The following ACBD5 variants were observed in gnomAD, a reference collection of about 807,000 sequenced individuals.
ACBD5 encodes acyl-CoA binding domain containing 5.
ACBD5 carries 40 observed loss-of-function variants against 71.8 expected under a neutral mutation model. The ratio of observed to expected loss-of-function variants is 0.56; its 90% CI spans 0.43 to 0.72. The LOEUF is 0.72. Ranked by LOEUF, ACBD5 falls within the 30% of genes least tolerant of loss-of-function variation. The pLI, the probability that ACBD5 is intolerant of heterozygous loss-of-function variation, is 0.00. For synonymous variants in ACBD5, 229 were observed against 218.6 expected (o/e 1.05, Z -0.42); for missense variants, 559 against 644.5 (o/e 0.87, Z 1.44).
chr10:27,231,859 C>T, intron 3 of ACBD5, 39 bp from the exon 4 acceptor site: 1 of 1,578,012 alleles, frequency 6.3e-7, no homozygotes, highest in Non-Finnish European at 8.7e-7. Flanking sequence ...AAAGAGACAT[C>T]TGATTTTAAT....
intron 12 of ACBD5, among the ~76,000 whole-genome samples, chr10:27,203,939 A>G (rs1564570796): frequency 6.6e-6 from 1 of 151,802 alleles, no homozygotes; most frequent in Non-Finnish European, 1.5e-5. Context: ...TGCCTTTCAG[A>G]ACACTGTTTC....
At chr10:27,221,950 A>G (rs2062405842) in intron 5 of ACBD5, among the ~76,000 whole-genome samples, 2 of 151,730 alleles carry the variant, frequency 1.3e-5, no homozygotes, top group Non-Finnish European at 2.9e-5. Context: ...GAAAAGAAGA[A>G]AACATTTAGT....
At chr10:27,227,342 C>G (rs1450652895) in intron 4 of ACBD5, among the ~76,000 whole-genome samples, 2 of 151,898 alleles carry the variant, frequency 1.3e-5, no homozygotes, top group Non-Finnish European at 2.9e-5. Flanking sequence ...TGTAGATATA[C>G]TCTTAAGAAA....
At chr10:27,211,266 G>C (rs1278611019) in intron 8 of ACBD5, among the ~76,000 whole-genome samples, 185 bp from the exon 9 acceptor site, 2 of 152,100 alleles carry the variant, frequency 1.3e-5, no homozygotes, top group South Asian at 2.1e-4. Context: ...GAAGAAATAG[G>C]ACAAGAATGA....
At chr10:27,199,442 C>A (rs1474562300) in intron 12 of ACBD5, among the ~76,000 whole-genome samples, 4 of 152,070 alleles carry the variant, frequency 2.6e-5, no homozygotes, top group Admixed American at 2.6e-4. Context: ...TTTGTGAGGT[C>A]TTTCTGTTTT....
Position 27,240,713 on chromosome 10 carries a change from C to CG in ACBD5, c.-26dup. ...TGTCTAGCAGAAGACAGAGGGGGTC[C>CG]GGGCATCGGTGGCCGCGGAGCCGCT... is the stretch of plus-strand genomic sequence containing the variant. On this transcript the variant is annotated 5_prime_UTR_variant, in exon 1 of 13. The change abolishes the stop of an existing upstream ORF in the 5' untranslated region. Transcript: ENST00000396271. This position sits in a 1 kb window ranked among gnomAD's most constrained non-coding sequence, Gnocchi z 4.1. 1 of 1,550,498 alleles carries CG rather than the reference C, an allele frequency of 6.4e-7. No homozygotes were observed. The highest frequency in any genetic ancestry group is 2.4e-5 in the East Asian group (1 of 40,908).
intron 10 of ACBD5, among the ~76,000 whole-genome samples, chr10:27,206,190 TG>T (rs1589049386): frequency 6.6e-6 from 1 of 151,916 alleles, no homozygotes; most frequent in African/African-American, 2.4e-5. Flanking sequence ...GTGTGAGCCA[TG>T]GGCCTAGCCT....
chr10:27,238,360 T>C (rs1218657112), intron 2 of ACBD5, among the ~76,000 whole-genome samples: 1 of 152,232 alleles, frequency 6.6e-6, no homozygotes, highest in Non-Finnish European at 1.5e-5. Flanking sequence ...TAATAAGTGG[T>C]ACATAATGTC....
chr10:27,196,300 G>A lies in ACBD5; in HGVS notation c.*1130C>T. 2.2e-6 allele frequency: 1 copy of A among 454,118 alleles called. No individual in the cohort carries two copies. Among genetic ancestry groups the A allele is most frequent in the South Asian group, 1.6e-5 (1 of 64,478 alleles). The allele number at this position is 454,118 out of a possible 1,614,324, so 28.1% of individuals were successfully genotyped here. On this transcript the variant is annotated 3_prime_UTR_variant, in exon 13 of 13. Coordinates refer to ENST00000396271, the MANE Select transcript of ACBD5 (RefSeq NM_145698.5). Reference sequence around the variant, plus strand: ...AAGTTTTGGAAGGCATACAGGAAAAGTCTCCAAGGATCTAAATTGTAGTCT... The same window carrying A: ...AAGTTTTGGAAGGCATACAGGAAAAATCTCCAAGGATCTAAATTGTAGTCT...
chr10:27,236,884 CAA>C (rs5783998), intron 2 of ACBD5, among the ~76,000 whole-genome samples: 97 of 87,110 alleles, frequency 1.1e-3, no homozygotes, highest in African/African-American at 1.7e-3. Flanking sequence ...GACTTGGTCT[CAA>C]AAAAAAAAAA....
chr10:27,186,176 A>C (rs946648543), intron 13 of ACBD5, among the ~76,000 whole-genome samples: 13 of 152,226 alleles, frequency 8.5e-5, no homozygotes, highest in Admixed American at 7.9e-4. Flanking sequence ...GGCACCTGTC[A>C]TATGCCAAGT....
At chr10:27,202,577 G>C (rs1024544033) in intron 12 of ACBD5, among the ~76,000 whole-genome samples, 2 of 151,786 alleles carry the variant, frequency 1.3e-5, no homozygotes, top group African/African-American at 4.9e-5. Flanking sequence ...TGTTGATGTA[G>C]AGTGTAGTTT....
chr10:27,200,711 G>A lies in ACBD5; in HGVS notation c.1566-3269C>T, dbSNP rs543541635. Among the ~76,000 whole-genome samples, 15 of 152,144 alleles carry A rather than the reference G, an allele frequency of 9.9e-5. No individual in the cohort carries two copies. In the East Asian group the frequency reaches 2.9e-3, roughly 29 times the overall value. ...TGACCTCAGGTGACCGGCTCACCTC[G>A]GCCTCCCAAAGTGCTGGGATTACAG... On this transcript the variant is annotated intron_variant, in intron 12 of 12. Transcript: ENST00000396271.
Position 27,208,340 on chromosome 10 carries a change from T to C in ACBD5, c.1310A>G (p.Asn437Ser). ...GSDRGSRGSLNEQIALVLMRL... is the reference protein window; with the variant it reads ...GSDRGSRGSLSEQIALVLMRL... ...CATCAGCACGAGGGCGATCTGCTCA[T>C]TGAGGCTGCCTCGGGACCCTCTGTC... is the stretch of plus-strand genomic sequence containing the variant. Residue 437 changes from asparagine to serine, a missense_variant, in exon 10 of 13, where the codon AAT (asparagine) becomes AGT (serine). Coordinates refer to ENST00000396271, the MANE Select transcript of ACBD5 (RefSeq NM_145698.5). 2 of 1,614,190 alleles carry C rather than the reference T, an allele frequency of 1.2e-6. No individual in the cohort carries two copies. The highest frequency in any genetic ancestry group is 1.3e-5 in the African/African-American group (1 of 75,044).
chr10:27,212,726 T>C (rs2061236138), intron 8 of ACBD5, among the ~76,000 whole-genome samples: 1 of 152,086 alleles, frequency 6.6e-6, no homozygotes, highest in South Asian at 2.1e-4. Flanking sequence ...TTTTTTATTT[T>C]TTTGTAGAGA....
intron 12 of ACBD5, among the ~76,000 whole-genome samples, chr10:27,198,990 T>G (rs1588962958): frequency 6.6e-6 from 1 of 151,926 alleles, no homozygotes; most frequent in Admixed American, 6.6e-5. Flanking sequence ...GCACCTATAG[T>G]CCCAGCTACT....
intron 10 of ACBD5, among the ~76,000 whole-genome samples, chr10:27,207,428 C>T (rs891523101): frequency 6.6e-6 from 1 of 152,116 alleles, no homozygotes; most frequent in African/African-American, 2.4e-5. Flanking sequence ...GGAAAGCCTG[C>T]TATCAGTTTC....
intron 9 of ACBD5, among the ~76,000 whole-genome samples, chr10:27,210,292 T>C (rs553868666): frequency 6.6e-6 from 1 of 152,336 alleles, no homozygotes; most frequent in East Asian, 1.9e-4. Flanking sequence ...TCAAGCATTG[T>C]TGGGGATTAA....
chr10:27,195,064 T>C (rs2059269446), downstream of ACBD5: 1 of 268,368 alleles, frequency 3.7e-6, no homozygotes. Context: ...ATAAGTTAAA[T>C]TTCATCCCAG....
Sources: allele counts gnomAD v4.1 joint callset (sites outside exome capture counted in the v4.1 genomes callset), GRCh38; gene constraint gnomAD v4.1.1; non-coding constraint Gnocchi (gnomAD v3.1); transcripts MANE v1.5; gene names NCBI Gene and HGNC (gene_info 2026-07-23, HGNC 2026-07-21).